LY6S: variants seen among roughly 807,000 people sequenced by gnomAD.
The protein encoded by LY6S is lymphocyte antigen 6S.
At chr8:143,062,151 T>C in the LY6S span, among the ~76,000 whole-genome samples, 20 of 152,334 alleles carry the variant, frequency 1.3e-4, no homozygotes, top group Non-Finnish European at 2.2e-4. Context: ...GCAAATGATA[T>C]ATTTGCATAT....
At chr8:143,049,198 T>C in the LY6S span, 11 of 534,800 alleles carry the variant, frequency 2.1e-5, no homozygotes, top group Admixed American at 3.9e-5. Flanking sequence ...TATCTGTTTT[T>C]GTCATTGCAG....
chr8:143,070,489 A>ATATATTTTTT, the LY6S span, among the ~76,000 whole-genome samples: 1 of 81,746 alleles, frequency 1.2e-5, no homozygotes, highest in African/African-American at 7.7e-5. Flanking sequence ...ATATATATAT[A>ATATATTTTTT]TTTTTTTTTT....
chr8:143,046,604 A>C, the LY6S span, among the ~76,000 whole-genome samples: 1 of 151,642 alleles, frequency 6.6e-6, no homozygotes, highest in Non-Finnish European at 1.5e-5. Context: ...AATGAGAGGA[A>C]TCTAACATAA....
the LY6S span, chr8:143,057,955 A>G: frequency 1.6e-3 from 863 of 538,208 alleles, 4 homozygotes; most frequent in African/African-American, 0.015. Flanking sequence ...TCTCTGTCTG[A>G]CCCTCCCTCC....
chr8:143,071,195 A>ATGGAATACAGACTCAG, the LY6S span, among the ~76,000 whole-genome samples: 142 of 130,614 alleles, frequency 1.1e-3, no homozygotes, highest in East Asian at 1.4e-3. Flanking sequence ...AAGACCCGGC[A>ATGGAATACAGACTCAG]GCATGGATGT....
At chr8:143,071,964 A>T in the LY6S span, among the ~76,000 whole-genome samples, 37 of 152,324 alleles carry the variant, frequency 2.4e-4, no homozygotes, top group Non-Finnish European at 4.7e-4. Flanking sequence ...TCAACACACC[A>T]TCTAACACAA....
the LY6S span, among the ~76,000 whole-genome samples, chr8:143,062,006 T>A: frequency 6.6e-6 from 1 of 152,198 alleles, no homozygotes; most frequent in African/African-American, 2.4e-5. Context: ...TGTAGAACAT[T>A]TATCAAATGT....
chr8:143,070,151 G>T, the LY6S span, among the ~76,000 whole-genome samples: 1 of 151,642 alleles, frequency 6.6e-6, no homozygotes, highest in African/African-American at 2.4e-5. Flanking sequence ...TTGCCCCTCT[G>T]TGTGTGTCTG....
chr8:143,048,271 C>A, the LY6S span, among the ~76,000 whole-genome samples: 1 of 152,152 alleles, frequency 6.6e-6, no homozygotes, highest in South Asian at 2.1e-4. Flanking sequence ...TGGCTGCTGC[C>A]TCTGCACCAC....
At chr8:143,066,030 G>A in the LY6S span, 1 of 380,022 alleles carries the variant, frequency 2.6e-6, no homozygotes, top group South Asian at 2.2e-5. Context: ...GCTGTGCATT[G>A]CACAACCTAC....
chr8:143,070,320 G>A, the LY6S span, among the ~76,000 whole-genome samples: 1 of 145,876 alleles, frequency 6.9e-6, no homozygotes, highest in African/African-American at 2.6e-5. Context: ...ATTTGAGGGG[G>A]GCACAGTTCA....
the LY6S span, chr8:143,049,086 T>A: frequency 2.0e-6 from 1 of 491,958 alleles, no homozygotes. Flanking sequence ...CAAATGCCCG[T>A]GACCTCCTAG....
At chr8:143,054,303 C>CAAAAAAAAAAAAAAAAAAAAAAAAA in the LY6S span, 3 of 64,760 alleles carry the variant, frequency 4.6e-5, no homozygotes, top group East Asian at 1.2e-3. Context: ...CACTCCATCC[C>CAAAAAAAAAAAAAAAAAAAAAAAAA]AAAAAAAAAA....
At chr8:143,048,871 A>G in the LY6S span, among the ~76,000 whole-genome samples, 1 of 152,134 alleles carries the variant, frequency 6.6e-6, no homozygotes, top group African/African-American at 2.4e-5. Flanking sequence ...TCTTTGCTGA[A>G]CAAAAGATGC....
At chr8:143,054,828 G>C in the LY6S span, among the ~76,000 whole-genome samples, 2 of 152,156 alleles carry the variant, frequency 1.3e-5, no homozygotes, top group Non-Finnish European at 2.9e-5. Flanking sequence ...ACAGAGCCTT[G>C]GGAATCCAGC....
At chr8:143,057,562 GAT>G in the LY6S span, 2 of 1,229,070 alleles carry the variant, frequency 1.6e-6, no homozygotes, top group Admixed American at 3.5e-5. Context: ...TTAGTCTCTT[GAT>G]AACCGTCTCT....
the LY6S span, among the ~76,000 whole-genome samples, chr8:143,047,069 C>T: frequency 6.6e-6 from 1 of 151,888 alleles, no homozygotes; most frequent in Non-Finnish European, 1.5e-5. Context: ...CCCAAAACTA[C>T]TCCACTCCTT....
chr8:143,057,115 G>A, the LY6S span: 1 of 338,382 alleles, frequency 3.0e-6, no homozygotes, highest in South Asian at 3.5e-5. Context: ...TGGTAGGAAA[G>A]TGTATATATA....
the LY6S span, among the ~76,000 whole-genome samples, chr8:143,062,000 G>A: frequency 5.3e-5 from 8 of 152,232 alleles, no homozygotes; most frequent in East Asian, 1.5e-3. Flanking sequence ...AGTGAATGTA[G>A]AACATTTATC....
Sources: gnomAD v4.1 joint callset for allele counts (sites outside exome capture counted in the v4.1 genomes callset) on GRCh38, gnomAD v4.1.1 for gene constraint, MANE v1.5 for transcripts, NCBI Gene and HGNC (gene_info 2026-07-23, HGNC 2026-07-21) for gene names.